SMARCB1: variants seen among roughly 807,000 people sequenced by gnomAD.
SMARCB1 encodes the protein SWI/SNF-related matrix-associated actin-dependent regulator of chromatin subfamily B member 1.
In SMARCB1, 5 loss-of-function variants were observed where a neutral mutation model predicts 49.0. The ratio of observed to expected loss-of-function variants is 0.10; its 90% CI spans 0.05 to 0.21. The LOEUF (loss-of-function observed/expected upper bound fraction) is 0.21, where lower values mean the gene tolerates loss of function less well. Among genes scored for constraint, SMARCB1 ranks in the 10% least tolerant of loss-of-function variants. The pLI is 1.00. For missense variants in SMARCB1, 226 were observed against 509.2 expected (o/e 0.44, Z 5.35); for synonymous variants, 201 against 200.1 (o/e 1.00, Z -0.04).
At chr22:23,803,688 A>C (rs1318685248) in intron 5 of SMARCB1, 1 of 548,708 alleles carries the variant, frequency 1.8e-6, no homozygotes, top group African/African-American at 1.9e-5. Context: ...GCTGATCTGC[A>C]TAGCATGGAT....
In SMARCB1 at chr22:23,824,955, G is replaced by A. The variant is rs1426359871; in HGVS notation, c.796-270G>A. ...AGGGCACAGGGGAGATGGGATGAAGGTAAGGTGGGACTCAGGTGCCCCCGG... is the reference window on the plus strand; with the variant it reads ...AGGGCACAGGGGAGATGGGATGAAGATAAGGTGGGACTCAGGTGCCCCCGG... On this transcript the variant is annotated intron_variant, in intron 6 of 8. Transcript: ENST00000644036. 7.2e-6 allele frequency: 4 copies of A among 553,540 alleles called. No homozygotes were observed. In the East Asian group the frequency reaches 1.2e-4, roughly 17 times the overall value. 34.3% of individuals were successfully genotyped at this position (553,540 alleles called of 1,614,324 possible).
At chr22:23,808,103 C>T (rs1929625310) in intron 5 of SMARCB1, among the ~76,000 whole-genome samples, 1 of 151,114 alleles carries the variant, frequency 6.6e-6, no homozygotes, top group Non-Finnish European at 1.5e-5. Context: ...CTACAGGCGC[C>T]TACCACCAGG....
At chr22:23,806,920 A>T (rs901104854) in intron 5 of SMARCB1, among the ~76,000 whole-genome samples, 1 of 52,852 alleles carries the variant, frequency 1.9e-5, no homozygotes, top group Non-Finnish European at 3.5e-5. Flanking sequence ...ACTCTATCTC[A>T]AAAAAAAAAA....
intron 3 of SMARCB1, among the ~76,000 whole-genome samples, chr22:23,796,632 G>T (rs1479574219): frequency 1.3e-5 from 2 of 152,240 alleles, no homozygotes; most frequent in Non-Finnish European, 2.9e-5. Context: ...AAGGGATGTG[G>T]TAAGAACATA....
chr22:23,834,393 C>T lies in SMARCB1; in HGVS notation c.*213C>T, dbSNP rs1233657141. Reference sequence around the variant, plus strand: ...CCCCACCCCACCCTCCCTACCCCTCCCCAGTCTCTGGGGTCAGGAAGAAAC... The same window carrying T: ...CCCCACCCCACCCTCCCTACCCCTCTCCAGTCTCTGGGGTCAGGAAGAAAC... On this transcript the variant is annotated 3_prime_UTR_variant, in exon 9 of 9. Transcript: ENST00000644036. The T allele has an allele frequency of 4.3e-6, 3 of 703,378 alleles. No homozygotes were observed. Among genetic ancestry groups the T allele is most frequent in the Non-Finnish European group, 7.7e-6 (3 of 387,652 alleles). 43.6% of individuals were successfully genotyped at this position (703,378 alleles called of 1,614,324 possible).
At chr22:23,828,479 C>T (rs2030496111) in intron 7 of SMARCB1, among the ~76,000 whole-genome samples, 1 of 152,058 alleles carries the variant, frequency 6.6e-6, no homozygotes, top group African/African-American at 2.4e-5. Context: ...CATGGCAAAA[C>T]CCCGTCTCTA....
intron 5 of SMARCB1, among the ~76,000 whole-genome samples, chr22:23,806,940 AG>A (rs1365112628): frequency 6.7e-6 from 1 of 148,400 alleles, no homozygotes; most frequent in Non-Finnish European, 1.5e-5. Flanking sequence ...AAAAAAAAAA[AG>A]GAATCAGGAT....
chr22:23,799,954 G>C (rs1170650527), intron 3 of SMARCB1, among the ~76,000 whole-genome samples: 3 of 151,980 alleles, frequency 2.0e-5, no homozygotes, highest in Non-Finnish European at 4.4e-5. Context: ...AAAGTGCTGG[G>C]ATTACAGGCG....
intron 5 of SMARCB1, among the ~76,000 whole-genome samples, chr22:23,814,512 A>G (rs1930061987): frequency 6.6e-6 from 1 of 151,928 alleles, no homozygotes; most frequent in African/African-American, 2.4e-5. Flanking sequence ...CTAAAAATAC[A>G]CAATTAGCTG....
chr22:23,812,346 A>C (rs190653277), intron 5 of SMARCB1, among the ~76,000 whole-genome samples: 74 of 152,204 alleles, frequency 4.9e-4, no homozygotes, highest in South Asian at 6.2e-4. Context: ...TCTCCCCCCC[A>C]AAAAAATCTC....
intron 5 of SMARCB1, among the ~76,000 whole-genome samples, chr22:23,811,624 G>A (rs1929874902): frequency 6.6e-6 from 1 of 152,152 alleles, no homozygotes; most frequent in African/African-American, 2.4e-5. Context: ...AAGTCTGTAG[G>A]GAAATTTAAA....
intron 5 of SMARCB1, chr22:23,815,839 CTG>C (rs1232364821): frequency 1.3e-5 from 2 of 152,338 alleles, no homozygotes; most frequent in East Asian, 3.9e-4. Context: ...TGGAATTTCT[CTG>C]TGTTGTTTCT....
rs1601449214 is a variant in SMARCB1 at position 23,834,895 on chromosome 22, G to A, written c.*715G>A. 1 of 1,612,100 alleles carries A rather than the reference G, an allele frequency of 6.2e-7. No homozygotes were observed. Among genetic ancestry groups the A allele is most frequent in the Non-Finnish European group, 8.5e-7 (1 of 1,179,704 alleles). ...TGGCTCTGCTGTGTCCAGATGGTCAGGCTACTGCCAGCTGGGGCCTTGCTG... is the reference window on the plus strand; with the variant it reads ...TGGCTCTGCTGTGTCCAGATGGTCAAGCTACTGCCAGCTGGGGCCTTGCTG... On this transcript the variant is annotated 3_prime_UTR_variant, in exon 9 of 9. Transcript: ENST00000644036.
At position 23,791,774 on chromosome 22, in the gene SMARCB1, A is replaced by C; in HGVS notation, c.112A>C (p.Met38Leu). 6.2e-7 allele frequency: 1 copy of C among 1,614,066 alleles called. No homozygotes were observed. Among genetic ancestry groups the C allele is most frequent in the Non-Finnish European group, 8.5e-7 (1 of 1,179,958 alleles). ...CTCATAGGTGGGAAACTACCTCCGT[A>C]TGTTCCGAGGTTCTCTGTACAAGAG... ...IGSEVGNYLR[M>L]FRGSLYKRYP... Residue 38 changes from methionine to leucine, a missense_variant, in exon 2 of 9, where the codon ATG becomes CTG. This residue lies in a region of SMARCB1 where 7 missense variants were observed against 43.8 expected (regional missense o/e 0.16). Coordinates refer to ENST00000644036, the MANE Select transcript of SMARCB1 (RefSeq NM_003073.5).
In SMARCB1 at chr22:23,837,936, TC is replaced by T. The variant is rs35361389; in HGVS notation, c.*3760del. 647,874 of 1,358,042 alleles carry T rather than the reference TC, an allele frequency of 0.48. 162,214 individuals are homozygous for T. The highest frequency in any genetic ancestry group is 0.53 in the Admixed American group (22,164 of 42,006). The allele number at this position is 1,358,042 out of a possible 1,614,324, so 84.1% of individuals were successfully genotyped here. The stretch of plus-strand genomic sequence containing the variant: ...TGACTTCCCAAGACCCTGGAATTCT[TC>T]CCCTCATCTCCCCTATGTGCTATTC... On this transcript the variant is annotated 3_prime_UTR_variant, in exon 9 of 9. Transcript: ENST00000644036.
intron 1 of SMARCB1, 102 bp downstream of exon 1, chr22:23,787,364 C>A (rs1458932358): frequency 2.0e-6 from 1 of 503,452 alleles, no homozygotes; most frequent in East Asian, 3.7e-5. Context: ...TCGGGGCGGG[C>A]GGGCGCGCGC....
At chr22:23,833,021 G>A (rs2267044) in intron 7 of SMARCB1, among the ~76,000 whole-genome samples, 58,298 of 151,870 alleles carry the variant, frequency 0.38, 13,670 homozygotes, top group Admixed American at 0.52. Context: ...GGTTTTGTTC[G>A]GCCAGGAGGT....
Position 23,837,426 on chromosome 22 carries a change from C to T in SMARCB1, c.*3246C>T, listed in dbSNP as rs1045672187. On this transcript the variant is annotated 3_prime_UTR_variant, in exon 9 of 9. Transcript: ENST00000644036. Reference sequence around the variant, plus strand: ...AGGAACCCTGACCCTCCCATCCTCACTCCCATCAGGACCGTGCAAGCATCA... The same window carrying T: ...AGGAACCCTGACCCTCCCATCCTCATTCCCATCAGGACCGTGCAAGCATCA... The T allele has an allele frequency of 1.4e-5, 9 of 643,378 alleles. No homozygotes were observed. The Admixed American group carries it at 1.5e-4, about 11-fold the overall frequency. The allele number at this position is 643,378 out of a possible 1,614,324, so 39.9% of individuals were successfully genotyped here.
intron 3 of SMARCB1, among the ~76,000 whole-genome samples, chr22:23,796,070 G>A (rs146295929): frequency 6.6e-6 from 1 of 152,286 alleles, no homozygotes; most frequent in East Asian, 1.9e-4. Context: ...TGGGATTACA[G>A]GTGTGAGCCA....
Sources: allele counts gnomAD v4.1 joint callset (sites outside exome capture counted in the v4.1 genomes callset), GRCh38; gene constraint gnomAD v4.1.1; regional missense constraint gnomAD v4.1.1; transcripts MANE v1.5; gene names NCBI Gene and HGNC (gene_info 2026-07-23, HGNC 2026-07-21).